The following L3HYPDH variants were observed in gnomAD, a reference collection of about 807,000 sequenced individuals.
L3HYPDH encodes trans-3-hydroxy-L-proline dehydratase.
L3HYPDH carries 32 observed loss-of-function variants against 26.5 expected under a neutral mutation model. The observed-to-expected ratio is 1.21, with a 90% confidence interval of 0.91 to 1.62. The LOEUF is 1.62. Ranked by LOEUF, L3HYPDH falls within the 40% of genes most tolerant of loss-of-function variation. The pLI is 0.00. For missense variants in L3HYPDH, 554 were observed against 476.4 expected, an observed-to-expected ratio of 1.16 and a Z score of -1.52; for synonymous variants, 215 against 196.6, an observed-to-expected ratio of 1.09 and a Z score of -0.78.
upstream of L3HYPDH, among the ~76,000 whole-genome samples, chr14:59,489,333 G>C (rs931250625): frequency 1.3e-5 from 2 of 152,176 alleles, no homozygotes; most frequent in Non-Finnish European, 2.9e-5. Flanking sequence ...TCACTCTTAA[G>C]TTCCAACTTC....
downstream of L3HYPDH, chr14:59,472,478 C>T (rs888862260): frequency 6.6e-6 from 1 of 152,046 alleles, no homozygotes; most frequent in East Asian, 1.9e-4. Context: ...ACTCCAGCCC[C>T]ATCCTTCCCA....
chr14:59,496,996 A>T, the L3HYPDH span, among the ~76,000 whole-genome samples: 6 of 138,220 alleles, frequency 4.3e-5, no homozygotes, highest in East Asian at 1.2e-3. Flanking sequence ...AGTCATAGTA[A>T]TTTTTTTTTT....
intron 1 of L3HYPDH, among the ~76,000 whole-genome samples, chr14:59,467,214 A>G (rs1889213916): frequency 6.6e-6 from 1 of 152,198 alleles, no homozygotes; most frequent in Admixed American, 6.5e-5. Context: ...AGACTTTTTA[A>G]AAAAAGAAGA....
chr14:59,504,694 G>A, the L3HYPDH span: 2 of 152,662 alleles, frequency 1.3e-5, no homozygotes, highest in African/African-American at 4.8e-5. Flanking sequence ...ATAATAAAAA[G>A]CTTACCTACA....
intron 1 of L3HYPDH, among the ~76,000 whole-genome samples, chr14:59,465,870 G>T (rs1455990697): frequency 1.3e-5 from 2 of 152,310 alleles, no homozygotes; most frequent in East Asian, 3.9e-4. Flanking sequence ...AAGTGACGAG[G>T]TCTGAACCCC....
In L3HYPDH at chr14:59,473,093, G is replaced by C; in HGVS notation, c.940-3C>G. 6.3e-7 allele frequency: 1 copy of C among 1,585,626 alleles called. No individual in the cohort carries two copies. The highest frequency in any genetic ancestry group is 8.5e-7 in the Non-Finnish European group (1 of 1,170,720). On this transcript the variant is annotated splice_region_variant and splice_polypyrimidine_tract_variant and intron_variant, in intron 4 of 4. Coordinates refer to ENST00000247194, the MANE Select transcript of L3HYPDH (RefSeq NM_144581.2). ...TTAAAATCACCACATTTCGCTTCCT[G>C]AAAAAAGATGAAGGGAGTATACTAT...
chr14:59,504,305 G>C, the L3HYPDH span: 1 of 486,754 alleles, frequency 2.1e-6, no homozygotes, highest in African/African-American at 2.0e-5. Context: ...CTGGAAGGCC[G>C]CTAGGAAGCC....
At chr14:59,483,460 T>G (rs1594921141) in intron 1 of L3HYPDH, 1 of 1,168,124 alleles carries the variant, frequency 8.6e-7, no homozygotes. Flanking sequence ...ACATTGGCTG[T>G]TCTTCGCTCT....
chr14:59,467,969 C>T (rs1889234195), downstream of L3HYPDH, among the ~76,000 whole-genome samples: 1 of 152,254 alleles, frequency 6.6e-6, no homozygotes, highest in African/African-American at 2.4e-5. Context: ...TCTTGGCTCT[C>T]ATCCTCTCTT....
chr14:59,481,012 G>A (rs1460840503), intron 1 of L3HYPDH, among the ~76,000 whole-genome samples: 4 of 152,140 alleles, frequency 2.6e-5, no homozygotes, highest in East Asian at 1.9e-4. Flanking sequence ...CACCAATCCC[G>A]GGACCAGGAT....
chr14:59,467,610 C>A (rs1031062659), downstream of L3HYPDH, among the ~76,000 whole-genome samples: 3 of 152,182 alleles, frequency 2.0e-5, no homozygotes, highest in Non-Finnish European at 4.4e-5. Context: ...TCGGCCCCAT[C>A]TCACTCACAT....
At chr14:59,476,849 C>T (rs555088786) in intron 2 of L3HYPDH, among the ~76,000 whole-genome samples, 86 of 152,304 alleles carry the variant, frequency 5.6e-4, no homozygotes, top group Non-Finnish European at 8.7e-4. Flanking sequence ...AGCTAAGTCA[C>T]TCAATGGTAG....
chr14:59,483,889 G>A lies in L3HYPDH; in HGVS notation c.428C>T (p.Thr143Ile). 6.4e-7 allele frequency: 1 copy of A among 1,570,376 alleles called. No individual in the cohort carries two copies. Among genetic ancestry groups the A allele is most frequent in the Non-Finnish European group, 8.6e-7 (1 of 1,165,024 alleles). The change falls in exon 1 of 5, where the codon ACC becomes ATC. Residue 143 changes from threonine to isoleucine, a missense_variant. Coordinates refer to ENST00000247194, the MANE Select transcript of L3HYPDH (RefSeq NM_144581.2). ...VNIHCPCGLV[T>I]AFVACEDGRS... ...GCCGTCCTCGCATGCCACGAAGGCG[G>A]TCACCAGCCCGCAGGGGCAGTGGAT...
chr14:59,491,404 A>G, the L3HYPDH span, among the ~76,000 whole-genome samples: 1 of 152,236 alleles, frequency 6.6e-6, no homozygotes, highest in Admixed American at 6.5e-5. Context: ...CTGGCTGTAG[A>G]TAGGTTGAAA....
chr14:59,495,020 C>G, the L3HYPDH span: 1 of 1,612,126 alleles, frequency 6.2e-7, no homozygotes, highest in Non-Finnish European at 8.5e-7. Context: ...TTCTCTAGTT[C>G]CAGCGCACTT....
the L3HYPDH span, among the ~76,000 whole-genome samples, chr14:59,502,500 GA>G: frequency 3.3e-5 from 5 of 152,094 alleles, no homozygotes; most frequent in South Asian, 2.1e-4. Context: ...GTGAGTGGGG[GA>G]AAACATCTAG....
the L3HYPDH span, among the ~76,000 whole-genome samples, chr14:59,493,325 C>T: frequency 6.6e-6 from 1 of 152,184 alleles, no homozygotes; most frequent in Non-Finnish European, 1.5e-5. Context: ...CAGCTAACAG[C>T]CAGCACTTAC....
At chr14:59,465,681 C>T (rs1226801385) in intron 1 of L3HYPDH, among the ~76,000 whole-genome samples, 3 of 152,144 alleles carry the variant, frequency 2.0e-5, no homozygotes, top group Non-Finnish European at 4.4e-5. Context: ...GGGGGGGGCA[C>T]TCTGCTTCCT....
upstream of L3HYPDH, chr14:59,484,498 C>T (rs928528417): frequency 2.0e-6 from 3 of 1,498,358 alleles, no homozygotes; most frequent in Non-Finnish European, 1.8e-6. Context: ...TACCGGGAGG[C>T]GGAGCCGCCG....
Sources: allele counts gnomAD v4.1 joint callset (sites outside exome capture counted in the v4.1 genomes callset), GRCh38; gene constraint gnomAD v4.1.1; transcripts MANE v1.5; gene names NCBI Gene and HGNC (gene_info 2026-07-23, HGNC 2026-07-21).